The following TAFA5 variants were observed in gnomAD, a reference collection of about 807,000 sequenced individuals.
The protein encoded by TAFA5 is TAFA chemokine like family member 5.
TAFA5 carries 6 observed loss-of-function variants against 15.3 expected under a neutral mutation model. That is an observed-to-expected ratio of 0.39 (90% CI 0.21 to 0.77). The LOEUF is 0.77. TAFA5 is among the 30% of genes least tolerant of loss of function. The probability of loss-of-function intolerance (pLI) is 0.41; values close to 1 mark genes in which losing one functional copy is unlikely to be tolerated. For synonymous variants in TAFA5, 103 were observed against 80.7 expected, an observed-to-expected ratio of 1.28 and a Z score of -1.48; for missense variants, 161 against 193.1, an observed-to-expected ratio of 0.83 and a Z score of 0.98.
At chr22:48,693,174 C>G in intron 2 of TAFA5, 1 of 936,606 alleles carries the variant, frequency 1.1e-6, no homozygotes, top group East Asian at 2.6e-5. Flanking sequence ...AAAATACGTC[C>G]TTGTCTGCCT....
chr22:48,678,851 G>C (rs981247479), intron 2 of TAFA5, among the ~76,000 whole-genome samples: 1 of 143,832 alleles, frequency 7.0e-6, no homozygotes, highest in Admixed American at 7.2e-5. Flanking sequence ...TTGGAAGCCT[G>C]TCTCTGAGTT....
intron 1 of TAFA5, chr22:48,547,141 A>G (rs1276684012): frequency 6.6e-6 from 1 of 152,440 alleles, no homozygotes; most frequent in African/African-American, 2.4e-5. Context: ...GTCTGATGGT[A>G]TCTATATTTT....
chr22:48,553,161 GATGCCCAA>G (rs1329319185), intron 1 of TAFA5, among the ~76,000 whole-genome samples: 2 of 152,216 alleles, frequency 1.3e-5, no homozygotes, highest in Non-Finnish European at 1.5e-5. Flanking sequence ...GCTTCCCTCA[GATGCCCAA>G]ATGCCGCCTC....
intron 1 of TAFA5, among the ~76,000 whole-genome samples, chr22:48,645,713 G>T (rs1926836497): frequency 6.6e-6 from 1 of 152,050 alleles, no homozygotes; most frequent in Non-Finnish European, 1.5e-5. Context: ...CATGGGTGGT[G>T]GGTGTCTGCA....
chr22:48,568,920 G>A (rs1427847068), intron 1 of TAFA5, among the ~76,000 whole-genome samples: 1 of 152,190 alleles, frequency 6.6e-6, no homozygotes, highest in Non-Finnish European at 1.5e-5. Flanking sequence ...GCATCCTTTT[G>A]TGCTCACGGC....
intron 1 of TAFA5, among the ~76,000 whole-genome samples, chr22:48,629,414 T>C (rs985251313): frequency 6.6e-6 from 1 of 152,200 alleles, no homozygotes; most frequent in Non-Finnish European, 1.5e-5. Flanking sequence ...TAGCTCTGCC[T>C]CCAGGCCCCC....
rs760039535 is a variant in TAFA5 at position 48,552,374 on chromosome 22, G to A, written c.112+62670G>A. 2.9e-4 allele frequency among the ~76,000 whole-genome samples: 44 copies of A among 152,144 alleles called. No individual in the cohort carries two copies. Among genetic ancestry groups the A allele is most frequent in the Non-Finnish European group, 2.5e-4 (17 of 68,010 alleles). On this transcript the variant is annotated intron_variant, in intron 1 of 3. Transcript: ENST00000402357. The surrounding 1 kb of genome is among the most constrained non-coding windows in gnomAD (Gnocchi z 4.1). ...CTGAAGCCCTCAGGAAACCTTCTCA[G>A]GGGGTCCCGTTTAGGAAACAAATCC...
chr22:48,502,300 T>C (rs57200410), intron 1 of TAFA5, among the ~76,000 whole-genome samples: 5,956 of 152,196 alleles, frequency 0.039, 402 homozygotes, highest in African/African-American at 0.14. Context: ...GAGAACCTAA[T>C]TTGTTGTCAT....
intron 1 of TAFA5, among the ~76,000 whole-genome samples, chr22:48,534,620 C>T (rs915968301): frequency 6.6e-6 from 1 of 152,310 alleles, no homozygotes; most frequent in Non-Finnish European, 1.5e-5. Flanking sequence ...CCTCCAGCTT[C>T]ACTTCCGGGA....
chr22:48,494,845 T>G (rs1247887876), intron 1 of TAFA5, among the ~76,000 whole-genome samples: 1 of 152,190 alleles, frequency 6.6e-6, no homozygotes, highest in Non-Finnish European at 1.5e-5. Context: ...TATTCTCGTC[T>G]CTCCTTCACC....
At chr22:48,716,319 C>T (rs897330516) in intron 3 of TAFA5, among the ~76,000 whole-genome samples, 19 of 152,284 alleles carry the variant, frequency 1.2e-4, no homozygotes, top group African/African-American at 3.6e-4. Flanking sequence ...ATATACACAC[C>T]GTGGAATACT....
Position 48,634,133 on chromosome 22 carries a change from C to CTCAA in TAFA5, c.113-12461_113-12460insATCA, listed in dbSNP as rs1370435442. Among the ~76,000 whole-genome samples the CTCAA allele has an allele frequency of 3.9e-3, 564 of 145,168 alleles. 4 individuals carry two copies. The highest frequency in any genetic ancestry group is 0.014 in the African/African-American group (537 of 39,458). ...GTTCACTCACTCGCTCACTCACTCA[C>CTCAA]TCACTCACTCATTTATTCACTCACT... On this transcript the variant is annotated intron_variant, in intron 1 of 3. Coordinates refer to ENST00000402357, the MANE Select transcript of TAFA5 (RefSeq NM_001082967.3).
intron 1 of TAFA5, among the ~76,000 whole-genome samples, chr22:48,565,266 ACTC>A (rs71718414): frequency 0.039 from 5,864 of 152,114 alleles, 304 homozygotes; most frequent in African/African-American, 0.12. Flanking sequence ...TAGGCGGGGC[ACTC>A]CTCAGGCGCT....
chr22:48,724,597 T>C (rs1929663403), intron 3 of TAFA5, among the ~76,000 whole-genome samples: 1 of 152,206 alleles, frequency 6.6e-6, no homozygotes, highest in African/African-American at 2.4e-5. Context: ...AATAACACCA[T>C]GACCTAAAGA....
At chr22:48,664,564 A>T (rs2147216823) in intron 2 of TAFA5, among the ~76,000 whole-genome samples, 1 of 152,258 alleles carries the variant, frequency 6.6e-6, no homozygotes, top group South Asian at 2.1e-4. Context: ...ATACAGGCAA[A>T]TTGGAAATTG....
intron 1 of TAFA5, among the ~76,000 whole-genome samples, chr22:48,548,983 G>C (rs1330602691): frequency 6.6e-6 from 1 of 152,258 alleles, no homozygotes; most frequent in Non-Finnish European, 1.5e-5. Flanking sequence ...TTTGGCCAAA[G>C]AGAAGTTCTT....
chr22:48,509,518 T>C (rs1365232123), intron 1 of TAFA5, among the ~76,000 whole-genome samples: 3 of 152,202 alleles, frequency 2.0e-5, no homozygotes, highest in African/African-American at 7.2e-5. Context: ...TTATTCTAAC[T>C]GGGTGAGTTG....
chr22:48,653,866 T>A (rs1927141905), intron 2 of TAFA5, among the ~76,000 whole-genome samples: 3 of 149,428 alleles, frequency 2.0e-5, no homozygotes, highest in Admixed American at 6.7e-5. Flanking sequence ...TACGTGAGCG[T>A]CACCAGATGG....
intron 1 of TAFA5, among the ~76,000 whole-genome samples, chr22:48,643,554 G>A (rs566886321): frequency 6.6e-6 from 1 of 152,318 alleles, no homozygotes; most frequent in East Asian, 1.9e-4. Flanking sequence ...CAGCTAGGAG[G>A]GACAACAGCT....
Sources: allele counts gnomAD v4.1 joint callset (sites outside exome capture counted in the v4.1 genomes callset), GRCh38; gene constraint gnomAD v4.1.1; non-coding constraint Gnocchi (gnomAD v3.1); transcripts MANE v1.5; gene names NCBI Gene and HGNC (gene_info 2026-07-23, HGNC 2026-07-21).